Variants in HDAC7 observed in about 807,000 individuals in gnomAD.
HDAC7 encodes histone deacetylase 7A.
In HDAC7, 26 loss-of-function variants were observed where a neutral mutation model predicts 115.5. The ratio of observed to expected loss-of-function variants is 0.23; its 90% CI spans 0.16 to 0.31. The LOEUF is 0.31. Among genes scored for constraint, HDAC7 ranks in the 10% least tolerant of loss-of-function variants. The pLI, the probability that HDAC7 is intolerant of heterozygous loss-of-function variation, is 1.00. For synonymous variants in HDAC7, 564 were observed against 550.9 expected (o/e 1.02, Z -0.33); for missense variants, 1,068 against 1,329.0 (o/e 0.80, Z 3.05).
At chr12:47,787,906 C>T (rs2136917087) in intron 20 of HDAC7, 97 bp from the exon 21 acceptor site, 2 of 1,532,894 alleles carry the variant, frequency 1.3e-6, no homozygotes, top group African/African-American at 2.7e-5. Context: ...TCCAGCCTCC[C>T]CATTTCCAGG....
Position 47,784,090 on chromosome 12 carries a change from C to G in HDAC7, c.2919G>C (p.Leu973=), listed in dbSNP as rs889770177. 5.0e-6 allele frequency: 8 copies of G among 1,613,468 alleles called. No individual in the cohort carries two copies. Among genetic ancestry groups the G allele is most frequent in the Non-Finnish European group, 6.8e-6 (8 of 1,179,818 alleles). The part of the protein sequence containing the change: ...TALASLSVGI[L]AEDRPSEQLV... ...GGGTCTGGCATTACCTATCTTCAGC[C>G]AGGATGCCCACAGAGAGGGACGCCA... The change falls in exon 25 of 26, where the codon CTG becomes CTC. Residue 973 remains leucine (L), a synonymous_variant. Transcript: ENST00000080059.
intron 1 of HDAC7, among the ~76,000 whole-genome samples, chr12:47,815,202 A>C (rs1465756896): frequency 6.6e-6 from 1 of 152,228 alleles, no homozygotes; most frequent in Non-Finnish European, 1.5e-5. Context: ...AGGAGGCAGC[A>C]GAATGTAGCA....
intron 1 of HDAC7, among the ~76,000 whole-genome samples, chr12:47,807,644 A>C (rs1235514950): frequency 6.6e-6 from 1 of 152,166 alleles, no homozygotes; most frequent in Non-Finnish European, 1.5e-5. Flanking sequence ...AGATGGAAAA[A>C]AAAAATCACA....
At chr12:47,788,009 A>G (rs1171319705) in intron 20 of HDAC7, 36 bp downstream of exon 20, 4 of 1,597,764 alleles carry the variant, frequency 2.5e-6, no homozygotes, top group East Asian at 2.2e-5. Flanking sequence ...GAGGAGGTCA[A>G]TGAGGCTGGA....
At chr12:47,815,535 T>A (rs1944825636) in intron 1 of HDAC7, among the ~76,000 whole-genome samples, 1 of 152,234 alleles carries the variant, frequency 6.6e-6, no homozygotes, top group African/African-American at 2.4e-5. Flanking sequence ...CAGGATCACC[T>A]GAAGCACCTG....
Position 47,796,025 on chromosome 12 carries a change from G to T in HDAC7, c.796-9C>A. The T allele has an allele frequency of 6.5e-7, 1 of 1,549,538 alleles. No individual in the cohort carries two copies. Among genetic ancestry groups the T allele is most frequent in the Non-Finnish European group, 8.7e-7 (1 of 1,146,584 alleles). On this transcript the variant is annotated splice_polypyrimidine_tract_variant and intron_variant, in intron 8 of 25. Transcript: ENST00000080059. ...CGCTGGCCCAAGAGCGCCTGCCATAGGGAGCAGGGCGAGGGTCACCGGTCC... is the reference window on the plus strand; with the variant it reads ...CGCTGGCCCAAGAGCGCCTGCCATATGGAGCAGGGCGAGGGTCACCGGTCC...
rs371065656 is a variant in HDAC7, at chr12:47,785,402, C to T, written c.2776G>A (p.Val926Met). 1.2e-6 allele frequency: 2 copies of T among 1,610,986 alleles called. No homozygotes were observed. Among genetic ancestry groups the T allele is most frequent in the Non-Finnish European group, 8.5e-7 (1 of 1,178,664 alleles). ...CCACACTTACTGTGCACCCGGATCACGGCCTCCAGAGAGCGGATGGCATTG... is the reference window on the plus strand; with the variant it reads ...CCACACTTACTGTGCACCCGGATCATGGCCTCCAGAGAGCGGATGGCATTG... ...NLNAIRSLEA[V>M]IRVHSKYWGC... The change falls in exon 24 of 26, where the codon GTG becomes ATG. Residue 926 changes from valine to methionine, a missense_variant. By Grantham distance (21) the Val-to-Met change is conservative. Around this residue, in one of 6 missense-constraint regions of HDAC7, gnomAD observed 98 missense variants for 123.9 expected, o/e 0.79. Coordinates refer to ENST00000080059, the MANE Select transcript of HDAC7 (RefSeq NM_015401.5).
At chr12:47,800,805 C>A (rs1396187536) in intron 2 of HDAC7, among the ~76,000 whole-genome samples, 1 of 152,222 alleles carries the variant, frequency 6.6e-6, no homozygotes, top group African/African-American at 2.4e-5. Flanking sequence ...CTTCCCCTCA[C>A]ACTCTGCATG....
chr12:47,798,054 G>T lies in HDAC7; in HGVS notation c.461+54C>A. On this transcript the variant is annotated intron_variant, in intron 5 of 25. Coordinates refer to ENST00000080059, the MANE Select transcript of HDAC7 (RefSeq NM_015401.5). The surrounding 1 kb of genome is among the most constrained non-coding windows in gnomAD (Gnocchi z 4.3). The stretch of plus-strand genomic sequence containing the variant: ...TGTGTGTGCTCATGGCTAACACGGG[G>T]GCGGGGGTGGAGGGTGCATGTGGGG... 7.9e-7 allele frequency: 1 copy of T among 1,267,392 alleles called. No individual in the cohort carries two copies. The highest frequency in any genetic ancestry group is 1.2e-6 in the Non-Finnish European group (1 of 863,996). 78.5% of individuals were successfully genotyped at this position (1,267,392 alleles called of 1,614,324 possible).
rs757342 is a variant in HDAC7, at chr12:47,783,387, C to G, written c.*454G>C. On this transcript the variant is annotated 3_prime_UTR_variant, in exon 26 of 26. Coordinates refer to ENST00000080059, the MANE Select transcript of HDAC7 (RefSeq NM_015401.5). ...GGGACCTCTTGGCTCCCCACTCCCCCCTAGCCCCTAGAGCCTAGGAAGGGC... is the reference window on the plus strand; with the variant it reads ...GGGACCTCTTGGCTCCCCACTCCCCGCTAGCCCCTAGAGCCTAGGAAGGGC... The G allele has an allele frequency of 0.13, 24,104 of 188,260 alleles. 2,171 individuals carry two copies. Among genetic ancestry groups the G allele is most frequent in the East Asian group, 0.41 (3,154 of 7,650 alleles). 11.7% of individuals were successfully genotyped at this position (188,260 alleles called of 1,614,324 possible). A position where few individuals can be genotyped will look rare whatever the true frequency, so the allele number is the denominator to read the frequency against.
At chr12:47,786,052 G>A (rs542009849) in intron 22 of HDAC7, 167 bp from the exon 23 acceptor site, 1 of 712,832 alleles carries the variant, frequency 1.4e-6, no homozygotes, top group African/African-American at 1.8e-5. Context: ...AAACCTACTA[G>A]TATGCTTCAC....
intron 1 of HDAC7, among the ~76,000 whole-genome samples, chr12:47,805,550 T>A (rs1944363620): frequency 6.6e-6 from 1 of 152,192 alleles, no homozygotes; most frequent in East Asian, 1.9e-4. Context: ...AGCTTGAGTC[T>A]CCATGGGGCT....
Position 47,813,952 on chromosome 12 carries a change from C to T in HDAC7, c.19+5815G>A, listed in dbSNP as rs191473678. Among the ~76,000 whole-genome samples the T allele has an allele frequency of 1.1e-3, 175 of 152,354 alleles. 1 individual carries two copies. The East Asian group carries it at 0.025, about 22-fold the overall frequency. Reference sequence around the variant, plus strand: ...AGGTTGGAGGTGAGAGGGGCTGAGGCCTGCTGGCCTAGAGCCGGAACCTGA... The same window carrying T: ...AGGTTGGAGGTGAGAGGGGCTGAGGTCTGCTGGCCTAGAGCCGGAACCTGA... On this transcript the variant is annotated intron_variant, in intron 1 of 25. Coordinates refer to ENST00000080059, the MANE Select transcript of HDAC7 (RefSeq NM_015401.5).
chr12:47,799,068 G>T, intron 2 of HDAC7, 96 bp from the exon 3 acceptor site: 1 of 832,474 alleles, frequency 1.2e-6, no homozygotes, highest in South Asian at 2.1e-5. Context: ...AGGCTCACTT[G>T]ACAATGGCAA....
intron 1 of HDAC7, among the ~76,000 whole-genome samples, chr12:47,802,679 G>C (rs367837260): frequency 2.6e-5 from 4 of 152,192 alleles, no homozygotes; most frequent in East Asian, 3.9e-4. Flanking sequence ...GGCCAGAGGT[G>C]GGAGAGCCTG....
Position 47,788,172 on chromosome 12 carries a change from G to A in HDAC7, c.2236-8C>T, listed in dbSNP as rs1381755383. On this transcript the variant is annotated splice_region_variant and splice_polypyrimidine_tract_variant and intron_variant, in intron 19 of 25. Transcript: ENST00000080059. ...GTTGCCATGGTGCACGTCCTGTGTA[G>A]GGAGACGGGCAGCGATTAGGGAAGG... is the stretch of plus-strand genomic sequence containing the variant. 1 of 1,598,564 alleles carries A rather than the reference G, an allele frequency of 6.3e-7. No individual in the cohort carries two copies. Among genetic ancestry groups the A allele is most frequent in the Non-Finnish European group, 8.5e-7 (1 of 1,171,680 alleles).
At chr12:47,808,392 G>A (rs769715006) in intron 1 of HDAC7, among the ~76,000 whole-genome samples, 3 of 152,064 alleles carry the variant, frequency 2.0e-5, no homozygotes, top group Non-Finnish European at 2.9e-5. Context: ...TGGCAGCAGC[G>A]GCTTGAGCTC....
At chr12:47,789,983 G>T in intron 16 of HDAC7, 63 bp from the exon 17 acceptor site, 1 of 1,301,968 alleles carries the variant, frequency 7.7e-7, no homozygotes, top group South Asian at 1.2e-5. Flanking sequence ...AGGGCCCAAG[G>T]GGGTGGTCCC....
intron 2 of HDAC7, among the ~76,000 whole-genome samples, chr12:47,800,527 G>C (rs1158736676): frequency 6.6e-6 from 1 of 152,208 alleles, no homozygotes; most frequent in Non-Finnish European, 1.5e-5. Context: ...GCCCGCAGTA[G>C]AAAATGTATG....
Sources: gnomAD v4.1 joint callset for allele counts (sites outside exome capture counted in the v4.1 genomes callset) on GRCh38, gnomAD v4.1.1 for gene constraint, gnomAD v4.1.1 regional missense constraint, Gnocchi (gnomAD v3.1) non-coding constraint, MANE v1.5 for transcripts, NCBI Gene and HGNC (gene_info 2026-07-23, HGNC 2026-07-21) for gene names.